The following FAM169A variants were observed in gnomAD, a reference collection of about 807,000 sequenced individuals.
FAM169A encodes the protein family with sequence similarity 169 member A, also known as soluble lamin-associated protein of 75 kDa.
In FAM169A, 24 loss-of-function variants were observed where a neutral mutation model predicts 75.7. The ratio of observed to expected loss-of-function variants is 0.32; its 90% CI spans 0.23 to 0.45. The LOEUF (loss-of-function observed/expected upper bound fraction) is 0.45. Among genes scored for constraint, FAM169A ranks in the 20% least tolerant of loss-of-function variants. The pLI, the probability that FAM169A is intolerant of heterozygous loss-of-function variation, is 1.00. For synonymous variants in FAM169A, 271 were observed against 271.0 expected, an observed-to-expected ratio of 1.00 and a Z score of 0.00; for missense variants, 673 against 784.0, an observed-to-expected ratio of 0.86 and a Z score of 1.69.
In FAM169A at chr5:74,779,137, C is replaced by G. The variant is rs1312373340; in HGVS notation, c.*2323G>C. 1 of 152,078 alleles carries G rather than the reference C, an allele frequency of 6.6e-6. No homozygotes were observed. Among genetic ancestry groups the G allele is most frequent in the East Asian group, 1.9e-4 (1 of 5,202 alleles). 9.4% of individuals were successfully genotyped at this position (152,078 alleles called of 1,614,324 possible). ...AAACTTCTAAATTGTTTACAATTCACTTACTATTTAACCCAAACAAGTTTA... is the reference window on the plus strand; with the variant it reads ...AAACTTCTAAATTGTTTACAATTCAGTTACTATTTAACCCAAACAAGTTTA... On this transcript the variant is annotated 3_prime_UTR_variant, in exon 13 of 13. Transcript: ENST00000687041.
At chr5:74,839,131 G>A in intron 3 of FAM169A, 81 bp from the exon 4 acceptor site, 1 of 947,494 alleles carries the variant, frequency 1.1e-6, no homozygotes, top group Non-Finnish European at 1.7e-6. Flanking sequence ...GTACTATAAA[G>A]TATCCATATA....
intron 5 of FAM169A, among the ~76,000 whole-genome samples, chr5:74,831,215 A>T (rs577324769): frequency 6.6e-6 from 1 of 152,278 alleles, no homozygotes; most frequent in Admixed American, 6.5e-5. Flanking sequence ...AAAGCCAAAA[A>T]AAGACTGCTA....
At chr5:74,820,562 A>G (rs572901480) in intron 5 of FAM169A, among the ~76,000 whole-genome samples, 17 of 152,046 alleles carry the variant, frequency 1.1e-4, no homozygotes, top group Non-Finnish European at 1.5e-4. Flanking sequence ...GAATCACTTC[A>G]TAACTAATCT....
intron 5 of FAM169A, among the ~76,000 whole-genome samples, chr5:74,821,119 G>C (rs1323443993): frequency 6.6e-6 from 1 of 152,090 alleles, no homozygotes; most frequent in Non-Finnish European, 1.5e-5. Context: ...TCATCTGACA[G>C]CATATCATCT....
At chr5:74,796,212 G>C (rs768723539) in intron 10 of FAM169A, 26 bp from the exon 11 acceptor site, 1 of 1,582,130 alleles carries the variant, frequency 6.3e-7, no homozygotes, top group Non-Finnish European at 8.6e-7. Context: ...AAACCATTCT[G>C]ACTTGTTTTA....
chr5:74,866,850 G>C (rs1750374490), upstream of FAM169A: 1 of 985,436 alleles, frequency 1.0e-6, no homozygotes, highest in Non-Finnish European at 1.2e-6. Flanking sequence ...CCGGCCTCGG[G>C]ACAGGGGTGC....
intron 11 of FAM169A, among the ~76,000 whole-genome samples, chr5:74,786,946 T>A (rs1257154783): frequency 6.6e-6 from 1 of 152,126 alleles, no homozygotes; most frequent in African/African-American, 2.4e-5. Context: ...CTGATGAGAC[T>A]TTTTGCCAGA....
At chr5:74,839,104 C>CT (rs1446110806) in intron 3 of FAM169A, 54 bp from the exon 4 acceptor site, 1 of 1,215,266 alleles carries the variant, frequency 8.2e-7, no homozygotes, top group African/African-American at 1.5e-5. Context: ...CACTTTTAGA[C>CT]TTAATAAGGC....
chr5:74,823,740 C>T (rs752282378), intron 5 of FAM169A, among the ~76,000 whole-genome samples: 2 of 152,136 alleles, frequency 1.3e-5, no homozygotes, highest in African/African-American at 2.4e-5. Flanking sequence ...TTCAGGTAGC[C>T]ACAGAGTAGT....
At chr5:74,866,623 G>T, upstream of FAM169A, 1 of 714,182 alleles carries the variant, frequency 1.4e-6, no homozygotes, top group Non-Finnish European at 1.7e-6. Context: ...GCCGTCACCC[G>T]GCAGCGCGAC....
chr5:74,813,814 A>G, intron 6 of FAM169A, 26 bp downstream of exon 6: 1 of 1,468,290 alleles, frequency 6.8e-7, no homozygotes, highest in Non-Finnish European at 9.1e-7. Flanking sequence ...AGACAAGTTT[A>G]TTATTTTTTA....
At chr5:74,805,505 C>T (rs932641641) in intron 6 of FAM169A, among the ~76,000 whole-genome samples, 6 of 145,050 alleles carry the variant, frequency 4.1e-5, no homozygotes, top group Non-Finnish European at 7.5e-5. Flanking sequence ...CAATAAAAAT[C>T]CTTTAAAAAT....
chr5:74,863,257 T>C (rs1264303463), intron 1 of FAM169A, among the ~76,000 whole-genome samples: 1 of 152,208 alleles, frequency 6.6e-6, no homozygotes, highest in Non-Finnish European at 1.5e-5. Context: ...CCTTAATAAA[T>C]TCTACCTTAA....
intron 7 of FAM169A, 34 bp downstream of exon 7, chr5:74,805,122 A>G (rs1746797377): frequency 6.2e-7 from 1 of 1,600,894 alleles, no homozygotes; most frequent in East Asian, 2.2e-5. Context: ...AAATAAATAA[A>G]CTGAACTTAT....
intron 6 of FAM169A, among the ~76,000 whole-genome samples, chr5:74,811,985 T>C (rs1580113711): frequency 6.6e-6 from 1 of 152,162 alleles, no homozygotes; most frequent in Non-Finnish European, 1.5e-5. Context: ...CCAAGTTAGG[T>C]ACAGTACTCA....
At chr5:74,866,021 C>T in intron 1 of FAM169A, 144 bp downstream of exon 1, 1 of 245,900 alleles carries the variant, frequency 4.1e-6, no homozygotes, top group Non-Finnish European at 6.5e-6. Flanking sequence ...CTGCGCCAGG[C>T]CCAGCCCGCA....
At chr5:74,852,180 A>G (rs548933528) in intron 1 of FAM169A, among the ~76,000 whole-genome samples, 2 of 152,190 alleles carry the variant, frequency 1.3e-5, no homozygotes, top group South Asian at 2.1e-4. Context: ...TATTTTCACT[A>G]GACAACTAAG....
At chr5:74,849,992 A>C (rs530390017) in intron 1 of FAM169A, among the ~76,000 whole-genome samples, 1 of 152,214 alleles carries the variant, frequency 6.6e-6, no homozygotes, top group South Asian at 2.1e-4. Flanking sequence ...AATGGGATTC[A>C]TATCTGTTGG....
chr5:74,804,638 G>T, intron 7 of FAM169A, 33 bp from the exon 8 acceptor site: 1 of 1,234,710 alleles, frequency 8.1e-7, no homozygotes, highest in Non-Finnish European at 1.2e-6. Flanking sequence ...AACTGTAACC[G>T]AATCAGTATT....
Sources: allele counts gnomAD v4.1 joint callset (sites outside exome capture counted in the v4.1 genomes callset), GRCh38; gene constraint gnomAD v4.1.1; transcripts MANE v1.5; gene names NCBI Gene and HGNC (gene_info 2026-07-23, HGNC 2026-07-21).